The following ZBTB41 variants were observed in gnomAD, a reference collection of about 807,000 sequenced individuals.
ZBTB41 encodes zinc finger and BTB domain-containing protein 41.
ZBTB41 carries 42 observed loss-of-function variants against 87.6 expected under a neutral mutation model. The observed-to-expected ratio is 0.48, with a 90% CI of 0.37 to 0.62. ZBTB41 has a LOEUF of 0.62. Ranked by LOEUF, ZBTB41 falls within the 20% of genes least tolerant of loss-of-function variation. The pLI is 0.00. For missense variants in ZBTB41, 799 were observed against 1,078.9 expected (o/e 0.74, Z 3.63); for synonymous variants, 364 against 364.0 (o/e 1.00, Z 0.00).
At chr1:197,174,328 G>T (rs375924881) in intron 9 of ZBTB41, among the ~76,000 whole-genome samples, 10 of 152,104 alleles carry the variant, frequency 6.6e-5, no homozygotes, top group African/African-American at 2.4e-4. Context: ...ACAGTGGCTG[G>T]AATGTGAAGT....
At chr1:197,198,395 G>A (rs562756157) in intron 2 of ZBTB41, among the ~76,000 whole-genome samples, 21 of 152,088 alleles carry the variant, frequency 1.4e-4, no homozygotes, top group African/African-American at 2.7e-4. Flanking sequence ...ACCAATTTCC[G>A]CCTATATCAA....
intron 10 of ZBTB41, among the ~76,000 whole-genome samples, chr1:197,166,511 A>G (rs2125124935): frequency 6.6e-6 from 1 of 152,236 alleles, no homozygotes; most frequent in Non-Finnish European, 1.5e-5. Context: ...ACAGCTCTTT[A>G]ACGGTCATAC....
At chr1:197,161,921 C>T (rs1659211965) in intron 10 of ZBTB41, among the ~76,000 whole-genome samples, 1 of 151,702 alleles carries the variant, frequency 6.6e-6, no homozygotes, top group Admixed American at 6.6e-5. Context: ...CTTTTATAGA[C>T]AAAAGTTTAA....
intron 8 of ZBTB41, chr1:197,176,151 C>G (rs1659601518): frequency 6.1e-6 from 1 of 164,986 alleles, no homozygotes; most frequent in Admixed American, 5.8e-5. Flanking sequence ...ACTTTTAGCA[C>G]CTAATTTTAA....
At chr1:197,192,299 G>A (rs1046297458) in intron 2 of ZBTB41, among the ~76,000 whole-genome samples, 2 of 151,788 alleles carry the variant, frequency 1.3e-5, no homozygotes, top group Non-Finnish European at 2.9e-5. Context: ...TCATATTTTT[G>A]GTATCTCTGT....
chr1:197,199,247 A>C, intron 2 of ZBTB41, 107 bp downstream of exon 2: 1 of 1,134,654 alleles, frequency 8.8e-7, no homozygotes. Context: ...CCCTACTTAA[A>C]CAGTCTTTTT....
intron 6 of ZBTB41, among the ~76,000 whole-genome samples, chr1:197,180,248 TG>T (rs1659710754): frequency 6.6e-6 from 1 of 152,166 alleles, no homozygotes; most frequent in Non-Finnish European, 1.5e-5. Flanking sequence ...GTTTGTAGCC[TG>T]GGAGCAATGG....
In ZBTB41 at chr1:197,199,597, TTCTA is replaced by T; in HGVS notation, c.873_876del (p.Asp291GlufsTer18). 4 of 1,609,424 alleles carry T rather than the reference TTCTA, an allele frequency of 2.5e-6. No individual in the cohort carries two copies. Among genetic ancestry groups the T allele is most frequent in the Non-Finnish European group, 3.4e-6 (4 of 1,178,858 alleles). ...TCACTTCCAGGGTCCTCAGAATCAT[TTCTA>T]TCTGACTTTTCCTTATCAAAATTTT... On this transcript the variant is annotated frameshift_variant, in exon 2 of 11. Coordinates refer to ENST00000367405, the MANE Select transcript of ZBTB41 (RefSeq NM_194314.3). LOFTEE classifies it high-confidence loss of function.
chr1:197,173,899 A>G (rs1466999227), intron 9 of ZBTB41, among the ~76,000 whole-genome samples: 1 of 152,140 alleles, frequency 6.6e-6, no homozygotes, highest in African/African-American at 2.4e-5. Context: ...TGGGGATACG[A>G]TAATAAGTGC....
intron 2 of ZBTB41, among the ~76,000 whole-genome samples, chr1:197,193,178 G>T (rs915067527): frequency 6.6e-6 from 1 of 152,016 alleles, no homozygotes; most frequent in Non-Finnish European, 1.5e-5. Context: ...CTTTACTTGC[G>T]TTAGTAACAC....
At chr1:197,164,412 A>C (rs879614531) in intron 10 of ZBTB41, among the ~76,000 whole-genome samples, 2 of 151,824 alleles carry the variant, frequency 1.3e-5, no homozygotes, top group Non-Finnish European at 2.9e-5. Flanking sequence ...AAGCCCAAAT[A>C]AGTGAGAAAT....
In ZBTB41 at chr1:197,199,430, T is replaced by A. The variant is rs768284836; in HGVS notation, c.1044A>T (p.Leu348Phe). The change falls in exon 2 of 11, where the codon TTA becomes TTT. Residue 348 changes from leucine (L) to phenylalanine (F), a missense_variant. Physicochemically the swap from Leu to Phe is conservative, Grantham distance 22. This residue lies in a region of ZBTB41 where 294 missense variants were observed against 340.1 expected (regional missense o/e 0.86). Transcript: ENST00000367405. Reference protein sequence around the residue: ...GDSVGNVHEGLTPVVIQNSNK... With the variant: ...GDSVGNVHEGFTPVVIQNSNK... ...TGCTGTTCTGAATGACCACTGGAGT[T>A]AACCCCTCATGAACATTTCCTACAG... 37 of 1,610,844 alleles carry A rather than the reference T, an allele frequency of 2.3e-5. No homozygotes were observed. In the East Asian group the frequency reaches 7.4e-4, roughly 32 times the overall value.
intron 10 of ZBTB41, among the ~76,000 whole-genome samples, chr1:197,169,637 T>C (rs1355971320): frequency 2.6e-5 from 4 of 152,042 alleles, no homozygotes; most frequent in African/African-American, 9.7e-5. Context: ...CATGACTACA[T>C]TGATGGATTC....
chr1:197,170,546 TCA>T (rs1000989140), intron 10 of ZBTB41, among the ~76,000 whole-genome samples: 1 of 152,128 alleles, frequency 6.6e-6, no homozygotes, highest in African/African-American at 2.4e-5. Flanking sequence ...GAAGAATTAC[TCA>T]CAATACTTAT....
chr1:197,164,935 T>TATATAATACATATCTA (rs1659297367), intron 10 of ZBTB41, among the ~76,000 whole-genome samples: 7 of 54,252 alleles, frequency 1.3e-4, no homozygotes, highest in African/African-American at 2.5e-4. Context: ...TAATATATTA[T>TATATAATACATATCTA]ATATATTATA....
intron 10 of ZBTB41, among the ~76,000 whole-genome samples, chr1:197,170,088 T>G (rs1659441709): frequency 6.6e-6 from 1 of 151,936 alleles, no homozygotes. Flanking sequence ...AGCAATTAGG[T>G]GTACTGAACT....
At chr1:197,190,909 G>T in intron 3 of ZBTB41, 78 bp from the exon 4 acceptor site, 1 of 914,612 alleles carries the variant, frequency 1.1e-6, no homozygotes, top group Non-Finnish European at 1.7e-6. Context: ...TATGTTGACA[G>T]TAATTACCAG....
At position 197,200,129 on chromosome 1, in the gene ZBTB41, C is replaced by G; in HGVS notation, c.345G>C (p.Ala115=). 6.2e-7 allele frequency: 1 copy of G among 1,613,876 alleles called. No homozygotes were observed. The highest frequency in any genetic ancestry group is 1.3e-5 in the African/African-American group (1 of 75,038). Residue 115 remains alanine (A), a synonymous_variant, in exon 2 of 11, where the codon GCG becomes GCC. Transcript: ENST00000367405. ...CAGTGCTTGGATTTTTGCTCAAACA[C>G]GCATGAAAATAACTACTGCCGACAG... ...VVAVGSSYFH[A]CLSKNPSTDV... is the part of the protein sequence containing the mutation.
intron 10 of ZBTB41, among the ~76,000 whole-genome samples, chr1:197,168,420 C>A (rs1659400095): frequency 1.3e-5 from 2 of 151,838 alleles, no homozygotes; most frequent in Non-Finnish European, 2.9e-5. Context: ...TACAAAGGGA[C>A]AAAAATAATA....
Sources: gnomAD v4.1 joint callset for allele counts (sites outside exome capture counted in the v4.1 genomes callset) on GRCh38, gnomAD v4.1.1 for gene constraint, gnomAD v4.1.1 regional missense constraint, MANE v1.5 for transcripts, NCBI Gene and HGNC (gene_info 2026-07-23, HGNC 2026-07-21) for gene names.